The following ANKRD36C variants were observed in gnomAD, a reference collection of about 807,000 sequenced individuals.
The protein encoded by ANKRD36C is ankyrin repeat domain 36C.
ANKRD36C carries 61 observed loss-of-function variants against 276.4 expected under a neutral mutation model. That is an observed-to-expected ratio of 0.22 (90% CI 0.18 to 0.27). The LOEUF (loss-of-function observed/expected upper bound fraction) is 0.27, where lower values mean the gene tolerates loss of function less well. ANKRD36C is among the 10% of genes least tolerant of loss of function. The pLI, the probability that ANKRD36C is intolerant of heterozygous loss-of-function variation, is 1.00. For missense variants in ANKRD36C, 1,447 were observed against 2,032.3 expected, an observed-to-expected ratio of 0.71 and a Z score of 5.54; for synonymous variants, 483 against 680.1, an observed-to-expected ratio of 0.71 and a Z score of 4.51.
At chr2:95,921,899 T>C in intron 32 of ANKRD36C, 89 bp from the exon 33 acceptor site, 6 of 1,362,294 alleles carry the variant, frequency 4.4e-6, no homozygotes, top group Non-Finnish European at 6.0e-6. Flanking sequence ...TGTATCTGCC[T>C]GCCTGTATTA....
intron 40 of ANKRD36C, among the ~76,000 whole-genome samples, chr2:95,913,838 ATG>A (rs1677007465): frequency 6.6e-6 from 1 of 151,400 alleles, no homozygotes; most frequent in Non-Finnish European, 1.5e-5. Context: ...AAGCAAAATT[ATG>A]TTGTTCCCCA....
intron 59 of ANKRD36C, among the ~76,000 whole-genome samples, chr2:95,871,269 A>G (rs887291132): frequency 6.6e-6 from 1 of 152,216 alleles, no homozygotes; most frequent in Admixed American, 6.5e-5. Context: ...CCAGAGAGAA[A>G]GGTCAGGTTG....
chr2:95,908,619 T>A, intron 42 of ANKRD36C, 45 bp from the exon 48 acceptor site: 1 of 1,562,866 alleles, frequency 6.4e-7, no homozygotes, highest in Non-Finnish European at 8.7e-7. Context: ...AAAGTATGTT[T>A]CATAGACTAT....
chr2:95,892,851 A>G (rs1048696824), intron 44 of ANKRD36C, among the ~76,000 whole-genome samples: 1 of 151,326 alleles, frequency 6.6e-6, no homozygotes, highest in Admixed American at 6.6e-5. Flanking sequence ...TCAACAAAAC[A>G]TGTATCTCTG....
At chr2:95,896,583 T>C (rs1676558305) in intron 44 of ANKRD36C, among the ~76,000 whole-genome samples, 2 of 148,164 alleles carry the variant, frequency 1.3e-5, no homozygotes, top group Admixed American at 6.7e-5. Flanking sequence ...CAACAAAACA[T>C]GTATCTCTGA....
chr2:95,914,382 C>G, intron 38 of ANKRD36C, 79 bp from the exon 41 acceptor site: 7 of 1,491,990 alleles, frequency 4.7e-6, no homozygotes, highest in Non-Finnish European at 6.4e-6. Context: ...GTGTTAGCAT[C>G]AACCTCTGTC....
intron 28 of ANKRD36C, among the ~76,000 whole-genome samples, chr2:95,926,999 A>C (rs778140381): frequency 2.4e-4 from 37 of 151,648 alleles, no homozygotes; most frequent in African/African-American, 3.9e-4. Flanking sequence ...TCCAACGTTT[A>C]TTCTTCCCAA....
At chr2:95,875,792 G>T (rs1675939178) in intron 59 of ANKRD36C, among the ~76,000 whole-genome samples, 4 of 151,890 alleles carry the variant, frequency 2.6e-5, no homozygotes, top group Admixed American at 2.6e-4. Context: ...TAAGTTCTAA[G>T]GTCTACTAAT....
intron 24 of ANKRD36C, among the ~76,000 whole-genome samples, chr2:95,933,513 T>C (rs1335355673): frequency 6.8e-6 from 1 of 148,028 alleles, no homozygotes; most frequent in South Asian, 2.2e-4. Context: ...GTTGTATTCC[T>C]AGGTATTTTA....
At chr2:95,861,522 A>G (rs1191652992) in intron 60 of ANKRD36C, among the ~76,000 whole-genome samples, 9 of 151,802 alleles carry the variant, frequency 5.9e-5, no homozygotes, top group Admixed American at 1.3e-4. Flanking sequence ...TCTAGGATGT[A>G]TAATATTACT....
chr2:95,875,423 C>T (rs1191448342), intron 59 of ANKRD36C, among the ~76,000 whole-genome samples: 3 of 150,034 alleles, frequency 2.0e-5, no homozygotes, highest in Non-Finnish European at 4.4e-5. Flanking sequence ...AGTAAACTAT[C>T]GCAAGGACAA....
intron 10 of ANKRD36C, 30 bp downstream of exon 10, chr2:95,960,443 C>T (rs144684773): frequency 6.3e-5 from 97 of 1,540,454 alleles, no homozygotes; most frequent in Admixed American, 1.6e-4. Flanking sequence ...CTTCAGTGAA[C>T]GTGGCATTAA....
Position 95,911,127 on chromosome 2 carries a change from G to C in ANKRD36C, c.2653+1117C>G, listed in dbSNP as rs571853383. On this transcript the variant is annotated intron_variant, in intron 42 of 66. Coordinates refer to ENST00000456556, the Ensembl canonical transcript of ANKRD36C. ...GATACCTGTTTGCTGATACCTAGTA[G>C]ATAATAATCATTATCTCTCACACCC... Among the ~76,000 whole-genome samples, 683 of 151,570 alleles carry C rather than the reference G, an allele frequency of 4.5e-3. 4 individuals are homozygous for C. The highest frequency in any genetic ancestry group is 0.015 in the African/African-American group (622 of 41,450).
At chr2:95,881,383 C>A (rs1676074343) in intron 56 of ANKRD36C, among the ~76,000 whole-genome samples, 1 of 152,178 alleles carries the variant, frequency 6.6e-6, no homozygotes, top group South Asian at 2.1e-4. Flanking sequence ...TAAACTTATA[C>A]ATTTGGAAAT....
intron 4 of ANKRD36C, among the ~76,000 whole-genome samples, chr2:95,981,155 A>G (rs1250387864): frequency 2.6e-5 from 4 of 151,882 alleles, no homozygotes; most frequent in Non-Finnish European, 4.4e-5. Context: ...AGGGTCAGAT[A>G]AGAGCTATCT....
rs573057661 is a variant in ANKRD36C, at chr2:95,907,800, A to G, written c.2653+4444T>C. On this transcript the variant is annotated intron_variant, in intron 42 of 66. Coordinates refer to ENST00000456556, the Ensembl canonical transcript of ANKRD36C. The stretch of plus-strand genomic sequence containing the variant: ...TCAAGATTATCTCATTTTTATAACT[A>G]AAATCAACAAAACATGTATCTCTGA... 6.0e-5 allele frequency among the ~76,000 whole-genome samples: 9 copies of G among 150,068 alleles called. No homozygotes were observed. In the South Asian group the frequency reaches 1.5e-3, roughly 25 times the overall value.
chr2:95,959,562 G>C, intron 10 of ANKRD36C, among the ~76,000 whole-genome samples: 1 of 152,050 alleles, frequency 6.6e-6, no homozygotes, highest in East Asian at 1.9e-4. Flanking sequence ...TTTTCCATTT[G>C]GAAATTGCTC....
At chr2:95,910,230 C>T in intron 42 of ANKRD36C, 143 bp downstream of exon 46, 1 of 1,021,878 alleles carries the variant, frequency 9.8e-7, no homozygotes, top group Non-Finnish European at 1.4e-6. Context: ...CAGCATCACC[C>T]AACAACTTAC....
chr2:95,921,640 T>C (rs774279738), exon 34 of ANKRD36C: 1 of 1,609,432 alleles, frequency 6.2e-7, no homozygotes, highest in Non-Finnish European at 8.5e-7. Flanking sequence ...TTTATTTCTG[T>C]GGCTATATTC....
Sources: gnomAD v4.1 joint callset for allele counts (sites outside exome capture counted in the v4.1 genomes callset) on GRCh38, gnomAD v4.1.1 for gene constraint, MANE v1.5 for transcripts, NCBI Gene and HGNC (gene_info 2026-07-23, HGNC 2026-07-21) for gene names.